Variants in SCRG1 observed in about 807,000 individuals in gnomAD.
SCRG1 encodes the protein stimulator of chondrogenesis 1, also known as scrapie-responsive protein 1.
A neutral mutation model predicts 7.7 loss-of-function variants in SCRG1; 3 were observed. That is an observed-to-expected ratio of 0.39 (90% CI 0.18 to 1.01). The LOEUF is 1.01. Among genes scored for constraint, SCRG1 ranks in the 50% least tolerant of loss-of-function variants. The probability of loss-of-function intolerance (pLI) is 0.36; values close to 1 mark genes in which losing one functional copy is unlikely to be tolerated. For missense variants in SCRG1, 110 were observed against 117.2 expected, an observed-to-expected ratio of 0.94 and a Z score of 0.28; for synonymous variants, 46 against 41.2, an observed-to-expected ratio of 1.12 and a Z score of -0.44.
At chr4:173,467,223 A>T in the SCRG1 span, among the ~76,000 whole-genome samples, 2 of 95,520 alleles carry the variant, frequency 2.1e-5, no homozygotes, top group Non-Finnish European at 4.3e-5. Flanking sequence ...AATGTGAGTA[A>T]GCAGTCCATT....
the SCRG1 span, chr4:173,468,415 G>A: frequency 3.3e-5 from 5 of 152,242 alleles, no homozygotes; most frequent in African/African-American, 1.2e-4. Context: ...TAACAAAATA[G>A]CCTAATGACA....
the SCRG1 span, among the ~76,000 whole-genome samples, chr4:173,506,680 G>A: frequency 6.6e-6 from 1 of 152,148 alleles, no homozygotes; most frequent in Non-Finnish European, 1.5e-5. The surrounding 1 kb of genome is among the most constrained non-coding windows in gnomAD (Gnocchi z 5.3). Flanking sequence ...GGTTGTGGAG[G>A]AGCGACGGAG....
At chr4:173,513,914 A>G in the SCRG1 span, among the ~76,000 whole-genome samples, 8 of 152,222 alleles carry the variant, frequency 5.3e-5, no homozygotes, top group East Asian at 1.3e-3. Flanking sequence ...GACTTTTCAC[A>G]TGTACATTTT....
At chr4:173,512,354 A>T in the SCRG1 span, among the ~76,000 whole-genome samples, 1 of 152,216 alleles carries the variant, frequency 6.6e-6, no homozygotes, top group Non-Finnish European at 1.5e-5. Context: ...AATCAGCAGT[A>T]AGCTTTTGTT....
chr4:173,451,634 T>TTTATTTTATTTA, the SCRG1 span, among the ~76,000 whole-genome samples: 47 of 21,226 alleles, frequency 2.2e-3, no homozygotes, highest in Non-Finnish European at 6.5e-3. Context: ...TACTTACTTA[T>TTTATTTTATTTA]TTTATTTATT....
chr4:173,513,551 G>T, the SCRG1 span, among the ~76,000 whole-genome samples: 4 of 152,196 alleles, frequency 2.6e-5, no homozygotes, highest in African/African-American at 9.7e-5. Flanking sequence ...GAAAGGTCTT[G>T]TCCTCTTAGT....
At chr4:173,406,121 A>T (rs1354990323) in intron 1 of SCRG1, 2 of 152,264 alleles carry the variant, frequency 1.3e-5, no homozygotes, top group Admixed American at 1.3e-4. Context: ...TTACTACGTG[A>T]ATCATTTGAG....
chr4:173,458,447 T>A, the SCRG1 span, among the ~76,000 whole-genome samples: 1 of 152,180 alleles, frequency 6.6e-6, no homozygotes, highest in Non-Finnish European at 1.5e-5. Flanking sequence ...TAAAATATTA[T>A]TACTTTCTTC....
At chr4:173,397,967 A>T (rs532616737) in intron 1 of SCRG1, among the ~76,000 whole-genome samples, 2 of 152,362 alleles carry the variant, frequency 1.3e-5, no homozygotes, top group Middle Eastern at 3.4e-3. Context: ...TGAAATATCA[A>T]AATTATAGTT....
the SCRG1 span, among the ~76,000 whole-genome samples, chr4:173,464,760 A>G: frequency 1.3e-5 from 2 of 152,202 alleles, no homozygotes; most frequent in African/African-American, 4.8e-5. Context: ...AAAAGAATTT[A>G]AAGGAGAGAC....
At chr4:173,513,116 G>T in the SCRG1 span, among the ~76,000 whole-genome samples, 1 of 152,168 alleles carries the variant, frequency 6.6e-6, no homozygotes, top group Non-Finnish European at 1.5e-5. Flanking sequence ...TGCAAACAAT[G>T]TAGACCTTTT....
chr4:173,478,001 C>A, the SCRG1 span, among the ~76,000 whole-genome samples: 1 of 152,080 alleles, frequency 6.6e-6, no homozygotes, highest in South Asian at 2.1e-4. Flanking sequence ...AACTCCTCGC[C>A]TCAAGCAATC....
the SCRG1 span, among the ~76,000 whole-genome samples, chr4:173,483,870 T>A: frequency 1.3e-5 from 1 of 77,642 alleles, no homozygotes; most frequent in African/African-American, 5.6e-5. Flanking sequence ...TTACATATGT[T>A]ATATATATTT....
chr4:173,445,117 T>A, the SCRG1 span, among the ~76,000 whole-genome samples: 1 of 151,400 alleles, frequency 6.6e-6, no homozygotes, highest in Admixed American at 6.6e-5. Flanking sequence ...AAAAAAGCCA[T>A]GTCAAATCAG....
the SCRG1 span, among the ~76,000 whole-genome samples, chr4:173,412,417 A>G: frequency 1.3e-5 from 2 of 152,030 alleles, no homozygotes; most frequent in Non-Finnish European, 2.9e-5. Flanking sequence ...TCTGTTTCTC[A>G]CCTCAATAAA....
the SCRG1 span, among the ~76,000 whole-genome samples, chr4:173,443,016 T>A: frequency 1.3e-5 from 2 of 152,162 alleles, no homozygotes; most frequent in Non-Finnish European, 2.9e-5. Flanking sequence ...ATAGTGCACA[T>A]TTGAAGTATG....
the SCRG1 span, among the ~76,000 whole-genome samples, chr4:173,480,633 T>G: frequency 9.2e-5 from 14 of 152,312 alleles, no homozygotes; most frequent in African/African-American, 1.9e-4. Context: ...TAAAACAGTA[T>G]GTTCTTAAAA....
chr4:173,484,199 AT>A, the SCRG1 span, among the ~76,000 whole-genome samples: 1 of 80,928 alleles, frequency 1.2e-5, no homozygotes, highest in Admixed American at 2.1e-4. Context: ...TATATTATAT[AT>A]TATATATATT....
the SCRG1 span, among the ~76,000 whole-genome samples, chr4:173,416,072 T>C: frequency 6.6e-6 from 1 of 152,296 alleles, no homozygotes; most frequent in African/African-American, 2.4e-5. Context: ...CAGTCTCCTC[T>C]CCCGCAGTGT....
Sources: allele counts gnomAD v4.1 joint callset (sites outside exome capture counted in the v4.1 genomes callset), GRCh38; gene constraint gnomAD v4.1.1; non-coding constraint Gnocchi (gnomAD v3.1); transcripts MANE v1.5; gene names NCBI Gene and HGNC (gene_info 2026-07-23, HGNC 2026-07-21).